Variants in NAALADL2 observed in about 807,000 individuals in gnomAD.
NAALADL2 encodes the protein N-acetylated alpha-linked acidic dipeptidase like 2.
A neutral mutation model predicts 87.2 loss-of-function variants in NAALADL2; 76 were observed. That is an observed-to-expected ratio of 0.87 (90% confidence interval 0.72 to 1.05). NAALADL2 has a LOEUF of 1.05. Ranked by LOEUF, NAALADL2 falls within the 50% of genes least tolerant of loss-of-function variation. The pLI is 0.00. For missense variants in NAALADL2, 1,089 were observed against 945.8 expected (o/e 1.15, Z -1.99); for synonymous variants, 354 against 331.0 (o/e 1.07, Z -0.75).
At chr3:174,541,892 G>A (rs1486912556) in intron 1 of NAALADL2, among the ~76,000 whole-genome samples, 1 of 142,578 alleles carries the variant, frequency 7.0e-6, no homozygotes, top group African/African-American at 2.6e-5. Context: ...TGAGTCAGTG[G>A]TGGAAGAAAG....
chr3:174,801,731 C>G (rs1718855969), intron 3 of NAALADL2, among the ~76,000 whole-genome samples: 1 of 151,748 alleles, frequency 6.6e-6, no homozygotes, highest in African/African-American at 2.4e-5. Context: ...AATGCATTTT[C>G]TGTGTCTATT....
At chr3:175,553,869 A>G (rs2149495994) in intron 9 of NAALADL2, among the ~76,000 whole-genome samples, 1 of 152,204 alleles carries the variant, frequency 6.6e-6, no homozygotes, top group African/African-American at 2.4e-5. Context: ...TCTATCTACC[A>G]GCCATATTAT....
intron 11 of NAALADL2, among the ~76,000 whole-genome samples, chr3:175,714,489 G>T (rs1280269424): frequency 6.6e-6 from 1 of 152,140 alleles, no homozygotes; most frequent in African/African-American, 2.4e-5. Flanking sequence ...CAGTGTTGAT[G>T]AGCTTTTTTT....
intron 5 of NAALADL2, among the ~76,000 whole-genome samples, chr3:175,385,431 G>A (rs939328611): frequency 3.3e-5 from 5 of 151,812 alleles, no homozygotes; most frequent in South Asian, 2.1e-4. Flanking sequence ...ATGTGCTGTC[G>A]GCAAGTGAAA....
chr3:174,612,162 G>C (rs1719978285), intron 2 of NAALADL2, among the ~76,000 whole-genome samples: 1 of 152,100 alleles, frequency 6.6e-6, no homozygotes, highest in Non-Finnish European at 1.5e-5. Flanking sequence ...CTGCTGCCAG[G>C]TGTAATAGAG....
intron 5 of NAALADL2, among the ~76,000 whole-genome samples, chr3:175,354,883 C>T (rs3067320): frequency 0.095 from 10,074 of 106,558 alleles, 998 homozygotes; most frequent in African/African-American, 0.28. Flanking sequence ...CATATATATA[C>T]ACACACACAC....
chr3:174,593,053 C>T (rs1717545161), intron 2 of NAALADL2, among the ~76,000 whole-genome samples: 2 of 152,116 alleles, frequency 1.3e-5, no homozygotes, highest in African/African-American at 4.8e-5. Flanking sequence ...AGCATGGAGA[C>T]TATTCAGACT....
At chr3:175,565,096 T>G (rs2149524894) in intron 9 of NAALADL2, among the ~76,000 whole-genome samples, 1 of 152,368 alleles carries the variant, frequency 6.6e-6, no homozygotes, top group Middle Eastern at 3.4e-3. Flanking sequence ...GTTGAGGAAC[T>G]TATTCCTTGT....
chr3:175,603,244 C>T (rs1378402847), intron 10 of NAALADL2, among the ~76,000 whole-genome samples: 2 of 152,084 alleles, frequency 1.3e-5, no homozygotes, highest in Non-Finnish European at 2.9e-5. Flanking sequence ...TTTTAAAATG[C>T]ATTTATTTAG....
At chr3:175,231,845 G>A (rs1744983737) in intron 2 of NAALADL2, among the ~76,000 whole-genome samples, 1 of 152,024 alleles carries the variant, frequency 6.6e-6, no homozygotes, top group Non-Finnish European at 1.5e-5. Context: ...GTTCACCTTT[G>A]TAAATGACTT....
chr3:175,635,380 G>A (rs1164454045), intron 11 of NAALADL2, among the ~76,000 whole-genome samples: 1 of 151,924 alleles, frequency 6.6e-6, no homozygotes, highest in Non-Finnish European at 1.5e-5. Flanking sequence ...CACTTATTAA[G>A]ATAGGAAAAG....
intron 11 of NAALADL2, among the ~76,000 whole-genome samples, chr3:175,659,900 C>T (rs905751647): frequency 6.6e-6 from 1 of 152,134 alleles, no homozygotes; most frequent in African/African-American, 2.4e-5. Flanking sequence ...GTACTGCCTG[C>T]CTCAGTCTGT....
chr3:175,138,824 A>G (rs1046656995), intron 2 of NAALADL2, among the ~76,000 whole-genome samples: 4 of 144,854 alleles, frequency 2.8e-5, no homozygotes, highest in Non-Finnish European at 6.0e-5. Flanking sequence ...TTGCTTTTAG[A>G]TCTGTGGTAC....
chr3:174,950,357 C>A (rs1309667160), intron 1 of NAALADL2, among the ~76,000 whole-genome samples: 1 of 151,998 alleles, frequency 6.6e-6, no homozygotes, highest in Non-Finnish European at 1.5e-5. Context: ...TGGTTGTCCA[C>A]AAATCCTTGG....
chr3:175,737,260 C>T (rs1344592454), intron 11 of NAALADL2, 46 bp from the exon 12 acceptor site: 2 of 1,099,938 alleles, frequency 1.8e-6, no homozygotes, highest in Non-Finnish European at 2.8e-6. Flanking sequence ...AATGAAAACT[C>T]CTAATTACTG....
At chr3:174,683,629 G>GGTGTGT (rs10522220) in intron 2 of NAALADL2, among the ~76,000 whole-genome samples, 41 of 146,932 alleles carry the variant, frequency 2.8e-4, no homozygotes, top group African/African-American at 1.0e-3. Flanking sequence ...CAGAACTTCT[G>GGTGTGT]GTGTGTGTGT....
At chr3:175,566,858 T>C (rs546365266) in intron 9 of NAALADL2, among the ~76,000 whole-genome samples, 1 of 152,270 alleles carries the variant, frequency 6.6e-6, no homozygotes. Context: ...TTCATGTTTG[T>C]TTATGGTAAT....
At chr3:175,190,622 G>A (rs1738006760) in intron 2 of NAALADL2, among the ~76,000 whole-genome samples, 1 of 152,088 alleles carries the variant, frequency 6.6e-6, no homozygotes, top group Non-Finnish European at 1.5e-5. Flanking sequence ...AAAACAATAT[G>A]GTACCAGAAG....
intron 3 of NAALADL2, among the ~76,000 whole-genome samples, chr3:174,778,449 TGCACC>T: frequency 6.6e-6 from 1 of 151,942 alleles, no homozygotes; most frequent in South Asian, 2.1e-4. Context: ...AGGGCTACTC[TGCACC>T]AGGTTTGGGT....
Sources: allele counts gnomAD v4.1 joint callset (sites outside exome capture counted in the v4.1 genomes callset), GRCh38; gene constraint gnomAD v4.1.1; transcripts MANE v1.5; gene names NCBI Gene and HGNC (gene_info 2026-07-23, HGNC 2026-07-21).